RAP1GAP2: variants seen among roughly 807,000 people sequenced by gnomAD.
RAP1GAP2 encodes the protein rap1 GTPase-activating protein 2.
In RAP1GAP2, 27 loss-of-function variants were observed where a neutral mutation model predicts 95.0. The ratio of observed to expected loss-of-function variants is 0.28; its 90% CI spans 0.21 to 0.39. The LOEUF (loss-of-function observed/expected upper bound fraction) is 0.39, where lower values mean the gene tolerates loss of function less well. Ranked by LOEUF, RAP1GAP2 falls within the 10% of genes least tolerant of loss-of-function variation. The pLI is 1.00. For missense variants in RAP1GAP2, 771 were observed against 970.0 expected (o/e 0.79, Z 2.72); for synonymous variants, 373 against 380.9 (o/e 0.98, Z 0.24).
At chr17:2,924,603 C>T (rs377620519) in intron 3 of RAP1GAP2, among the ~76,000 whole-genome samples, 2 of 149,280 alleles carry the variant, frequency 1.3e-5, no homozygotes. Flanking sequence ...AGGCCAGTGG[C>T]ATTAGAGGTG....
In RAP1GAP2 at chr17:2,964,000, A is replaced by G. The variant is rs2044465099; in HGVS notation, c.424A>G (p.Asn142Asp). ...EEEEEDNLSP[N>D]TFGYKLECKG... Reference sequence around the variant, plus strand: ...GGAGGAAGAGGACAACCTCAGCCCCAACACATTTGGCTACAAGCTCGAGTG... The same window carrying G: ...GGAGGAAGAGGACAACCTCAGCCCCGACACATTTGGCTACAAGCTCGAGTG... The change falls in exon 7 of 25, where the codon AAC (asparagine) becomes GAC (aspartate). Residue 142 changes from asparagine to aspartate, a missense_variant. Coordinates refer to ENST00000254695, the MANE Select transcript of RAP1GAP2 (RefSeq NM_015085.5). The surrounding 1 kb of genome is among the most constrained non-coding windows in gnomAD (Gnocchi z 4.8). 1.2e-6 allele frequency: 2 copies of G among 1,612,548 alleles called. No individual in the cohort carries two copies. The highest frequency in any genetic ancestry group is 1.7e-6 in the Non-Finnish European group (2 of 1,179,674).
upstream of RAP1GAP2, among the ~76,000 whole-genome samples, chr17:2,776,189 A>G (rs1399294182): frequency 1.3e-5 from 2 of 152,126 alleles, no homozygotes; most frequent in Non-Finnish European, 2.9e-5. Context: ...ATAAAAGTCC[A>G]GCCTCCAGAT....
chr17:2,787,630 C>T (rs1383827306), intron 1 of RAP1GAP2, among the ~76,000 whole-genome samples: 5 of 152,042 alleles, frequency 3.3e-5, no homozygotes, highest in African/African-American at 1.2e-4. Flanking sequence ...TGCAGTGGCG[C>T]CATCTCAGCT....
chr17:2,936,809 G>A (rs1366270684), intron 3 of RAP1GAP2, among the ~76,000 whole-genome samples: 1 of 152,164 alleles, frequency 6.6e-6, no homozygotes, highest in Non-Finnish European at 1.5e-5. Context: ...GAGAGCCATT[G>A]CCCACTCCTC....
At chr17:2,788,685 G>T (rs1471827158) in intron 1 of RAP1GAP2, among the ~76,000 whole-genome samples, 1 of 152,200 alleles carries the variant, frequency 6.6e-6, no homozygotes, top group Non-Finnish European at 1.5e-5. Flanking sequence ...AAAGCTGGTG[G>T]TATGTTCTAG....
At chr17:2,831,291 G>C (rs995654904) in intron 2 of RAP1GAP2, among the ~76,000 whole-genome samples, 1 of 150,462 alleles carries the variant, frequency 6.6e-6, no homozygotes, top group Admixed American at 6.7e-5. Flanking sequence ...TGGCCAGGCT[G>C]GTCTTGAACT....
At chr17:3,007,129 G>T (rs566514112) in intron 16 of RAP1GAP2, among the ~76,000 whole-genome samples, 1 of 152,296 alleles carries the variant, frequency 6.6e-6, no homozygotes, top group East Asian at 1.9e-4. Flanking sequence ...TCAGGAGGGA[G>T]CTCCTGAGGG....
intron 2 of RAP1GAP2, among the ~76,000 whole-genome samples, chr17:2,803,831 A>G (rs941892892): frequency 3.3e-5 from 5 of 152,212 alleles, no homozygotes; most frequent in African/African-American, 4.8e-5. Context: ...ATGAGCTGAG[A>G]TCACACCATT....
At chr17:2,960,705 G>A (rs1208482372) in intron 4 of RAP1GAP2, among the ~76,000 whole-genome samples, 1 of 152,220 alleles carries the variant, frequency 6.6e-6, no homozygotes, top group Non-Finnish European at 1.5e-5. Flanking sequence ...TTCAAAGGAG[G>A]CCACAGAGAG....
At chr17:2,990,415 A>AGAG (rs2151562686) in intron 11 of RAP1GAP2, among the ~76,000 whole-genome samples, 1 of 152,134 alleles carries the variant, frequency 6.6e-6, no homozygotes, top group East Asian at 1.9e-4. Flanking sequence ...CCTTTGGTAT[A>AGAG]TGCCTGGGAG....
At chr17:3,019,248 A>G (rs1262538759) in intron 18 of RAP1GAP2, among the ~76,000 whole-genome samples, 2 of 152,102 alleles carry the variant, frequency 1.3e-5, no homozygotes, top group African/African-American at 4.8e-5. Flanking sequence ...TGGGCCTTTC[A>G]TAAAGCAAAG....
intron 2 of RAP1GAP2, among the ~76,000 whole-genome samples, chr17:2,863,651 C>T (rs1384077844): frequency 1.2e-4 from 18 of 152,130 alleles, no homozygotes. Flanking sequence ...GTGATGATAC[C>T]TGTTGTCAAG....
At chr17:2,858,261 A>G (rs1193844135) in intron 2 of RAP1GAP2, among the ~76,000 whole-genome samples, 1 of 152,130 alleles carries the variant, frequency 6.6e-6, no homozygotes, top group African/African-American at 2.4e-5. Flanking sequence ...TATGAGGAGG[A>G]AGATATGGAT....
rs1597715830 is a variant in RAP1GAP2, at chr17:2,956,209, G to A, written c.166-1550G>A. Among the ~76,000 whole-genome samples, 4 of 152,362 alleles carry A rather than the reference G, an allele frequency of 2.6e-5. 1 individual carries two copies. The highest frequency in any genetic ancestry group is 1.5e-5 in the Non-Finnish European group (1 of 68,038). ...AGGAGGTTTGGCATCTGGATGTTTGGCGGCTCACTTCTGGTCAAGGGAGTT... is the reference window on the plus strand; with the variant it reads ...AGGAGGTTTGGCATCTGGATGTTTGACGGCTCACTTCTGGTCAAGGGAGTT... On this transcript the variant is annotated intron_variant, in intron 3 of 24. Transcript: ENST00000254695.
intron 3 of RAP1GAP2, among the ~76,000 whole-genome samples, chr17:2,927,266 G>A (rs1035012484): frequency 6.6e-6 from 1 of 151,704 alleles, no homozygotes; most frequent in South Asian, 2.1e-4. Flanking sequence ...CCGTTCTCCT[G>A]CCTCAGCCTC....
At chr17:2,802,465 T>C (rs1425492656) in intron 2 of RAP1GAP2, among the ~76,000 whole-genome samples, 6 of 152,084 alleles carry the variant, frequency 3.9e-5, no homozygotes, top group African/African-American at 1.4e-4. Flanking sequence ...ATCCCAGTAC[T>C]TTGGGAGGCC....
chr17:2,983,943 C>A (rs756120516), intron 10 of RAP1GAP2, among the ~76,000 whole-genome samples: 7 of 152,176 alleles, frequency 4.6e-5, no homozygotes, highest in Admixed American at 1.3e-4. Flanking sequence ...GCTCTGTGCT[C>A]AGTTCTTTCT....
rs533156197 is a variant in RAP1GAP2, at chr17:2,863,382, C to G, written c.81-41902C>G. Among the ~76,000 whole-genome samples, 18 of 152,296 alleles carry G rather than the reference C, an allele frequency of 1.2e-4. No homozygotes were observed. In the South Asian group the frequency reaches 3.7e-3, roughly 32 times the overall value. ...ATGAAGGCTGGAGCTCCAGCCAAGTCCTTTCCAGAGTCCTCCAGGGCTGGG... is the reference window on the plus strand; with the variant it reads ...ATGAAGGCTGGAGCTCCAGCCAAGTGCTTTCCAGAGTCCTCCAGGGCTGGG... On this transcript the variant is annotated intron_variant, in intron 2 of 24. Coordinates refer to ENST00000254695, the MANE Select transcript of RAP1GAP2 (RefSeq NM_015085.5).
chr17:2,944,803 T>C (rs145980618), intron 3 of RAP1GAP2, among the ~76,000 whole-genome samples: 202 of 152,344 alleles, frequency 1.3e-3, no homozygotes, highest in Middle Eastern at 0.01. Flanking sequence ...TTTAATGTCA[T>C]TGGGCAATGT....
Sources: gnomAD v4.1 joint callset for allele counts (sites outside exome capture counted in the v4.1 genomes callset) on GRCh38, gnomAD v4.1.1 for gene constraint, Gnocchi (gnomAD v3.1) non-coding constraint, MANE v1.5 for transcripts, NCBI Gene and HGNC (gene_info 2026-07-23, HGNC 2026-07-21) for gene names.